TRIM44: variants seen among roughly 807,000 people sequenced by gnomAD.
The protein encoded by TRIM44 is tripartite motif-containing protein 44.
Under a neutral mutation model 37.4 loss-of-function variants are expected in TRIM44, and 13 were observed. That is an observed-to-expected ratio of 0.35 (90% CI 0.23 to 0.55). TRIM44 has a LOEUF of 0.55. Among genes scored for constraint, TRIM44 ranks in the 20% least tolerant of loss-of-function variants. The pLI is 0.89. For missense variants in TRIM44, 426 were observed against 437.2 expected, an observed-to-expected ratio of 0.97 and a Z score of 0.23; for synonymous variants, 175 against 157.2, an observed-to-expected ratio of 1.11 and a Z score of -0.85.
At chr11:35,686,134 CTT>C (rs1193060876) in intron 2 of TRIM44, among the ~76,000 whole-genome samples, 1 of 145,550 alleles carries the variant, frequency 6.9e-6, no homozygotes, top group African/African-American at 2.5e-5. Flanking sequence ...AGTGTCCCGG[CTT>C]TTTTTTTTTA....
At position 35,663,264 on chromosome 11, in the gene TRIM44, G is replaced by C. The variant is rs756216466; in HGVS notation, c.153G>C (p.Lys51Asn). The change falls in exon 1 of 5, where the codon AAG (lysine) becomes AAC (asparagine). Residue 51 changes from lysine to asparagine, a missense_variant. By Grantham distance (94) the Lys-to-Asn change is moderately conservative (BLOSUM62 0). Coordinates refer to ENST00000299413, the MANE Select transcript of TRIM44 (RefSeq NM_017583.6). Reference protein sequence around the residue: ...CRRHAEAHRQKFLSHHLAEYV... With the variant: ...CRRHAEAHRQNFLSHHLAEYV... The stretch of plus-strand genomic sequence containing the variant: ...GCCATGCCGAGGCGCACAGGCAGAA[G>C]TTCCTCAGTCACCATCTGGCCGAAT... 1 of 1,612,462 alleles carries C rather than the reference G, an allele frequency of 6.2e-7. No individual in the cohort carries two copies. Among genetic ancestry groups the C allele is most frequent in the South Asian group, 1.1e-5 (1 of 91,060 alleles).
intron 1 of TRIM44, among the ~76,000 whole-genome samples, chr11:35,665,652 T>G (rs668763): frequency 7.1e-6 from 1 of 140,988 alleles, no homozygotes; most frequent in Non-Finnish European, 1.5e-5. Flanking sequence ...TGGAGTACAG[T>G]GGCTAGATCT....
chr11:35,719,160 A>G (rs1311843707), intron 2 of TRIM44, among the ~76,000 whole-genome samples: 3 of 152,096 alleles, frequency 2.0e-5, no homozygotes, highest in Non-Finnish European at 1.5e-5. Context: ...GAACTGCCAA[A>G]CTGTCTTCCA....
intron 4 of TRIM44, among the ~76,000 whole-genome samples, chr11:35,766,382 A>G (rs941126855): frequency 3.3e-5 from 5 of 152,184 alleles, no homozygotes; most frequent in Admixed American, 3.3e-4. Context: ...CCCCAAGGCC[A>G]GGGTAGAGCA....
At chr11:35,793,691 A>G (rs1853246501) in intron 4 of TRIM44, among the ~76,000 whole-genome samples, 1 of 152,134 alleles carries the variant, frequency 6.6e-6, no homozygotes. Context: ...GGCATTACCA[A>G]TAACCCAGCT....
intron 4 of TRIM44, among the ~76,000 whole-genome samples, chr11:35,745,859 A>G (rs1219486057): frequency 6.6e-6 from 1 of 152,146 alleles, no homozygotes; most frequent in Non-Finnish European, 1.5e-5. Context: ...CCATGCAGAC[A>G]TGGGGAGAAA....
chr11:35,804,465 A>G (rs189148991), intron 4 of TRIM44, among the ~76,000 whole-genome samples: 12 of 152,362 alleles, frequency 7.9e-5, no homozygotes, highest in Admixed American at 7.2e-4. Flanking sequence ...CATTAGGTCC[A>G]TGAACGTTTA....
chr11:35,669,184 C>T (rs996721671), intron 1 of TRIM44, among the ~76,000 whole-genome samples: 11 of 152,100 alleles, frequency 7.2e-5, no homozygotes, highest in African/African-American at 2.2e-4. Context: ...AGAGAGGATT[C>T]GAGTTTGATT....
rs150664095 is a variant in TRIM44, at chr11:35,726,091, G to A, written c.915G>A (p.Arg305=). 192 of 1,614,082 alleles carry A rather than the reference G, an allele frequency of 1.2e-4. 1 individual carries two copies. In the African/African-American group the frequency reaches 2.3e-3, roughly 19 times the overall value. Residue 305 remains arginine, a synonymous_variant, in exon 3 of 5, where the codon AGG becomes AGA. Coordinates refer to ENST00000299413, the MANE Select transcript of TRIM44 (RefSeq NM_017583.6). ...ILADIQSHMD[R]LMTQMAQAKE... is the part of the protein sequence containing the mutation. ...CAGACATCCAATCCCACATGGATAG[G>A]TTGATGACTCAGATGGCCCAAGCCA... is the stretch of plus-strand genomic sequence containing the variant.
At chr11:35,779,302 G>A (rs1381311825) in intron 4 of TRIM44, among the ~76,000 whole-genome samples, 1 of 152,222 alleles carries the variant, frequency 6.6e-6, no homozygotes, top group Non-Finnish European at 1.5e-5. Flanking sequence ...GAAAAGCGCA[G>A]TATTAGGGTG....
intron 1 of TRIM44, among the ~76,000 whole-genome samples, chr11:35,680,974 T>C (rs1182740991): frequency 6.6e-6 from 1 of 152,210 alleles, no homozygotes; most frequent in Non-Finnish European, 1.5e-5. Context: ...CTTTTCTTAC[T>C]GATGTATAGA....
rs571456199 is a variant in TRIM44 at position 35,720,828 on chromosome 11, T to G, written c.748-5096T>G. Reference sequence around the variant, plus strand: ...TCTTTAGCCTGTTGATGTAGATAAATTATATTAGCTGATTTTTCAAATGTT... The same window carrying G: ...TCTTTAGCCTGTTGATGTAGATAAAGTATATTAGCTGATTTTTCAAATGTT... On this transcript the variant is annotated intron_variant, in intron 2 of 4. Transcript: ENST00000299413. 3.7e-4 allele frequency among the ~76,000 whole-genome samples: 57 copies of G among 152,102 alleles called. 1 individual carries two copies. The highest frequency in any genetic ancestry group is 9.8e-4 in the Admixed American group (15 of 15,256).
At chr11:35,708,493 CAAAGACTTGGAA>C (rs1851918882) in intron 2 of TRIM44, among the ~76,000 whole-genome samples, 1 of 151,814 alleles carries the variant, frequency 6.6e-6, no homozygotes, top group South Asian at 2.1e-4. Flanking sequence ...TTCACAATAG[CAAAGACTTGGAA>C]CCAACCCAAA....
At chr11:35,788,224 C>T (rs1177050676) in intron 4 of TRIM44, among the ~76,000 whole-genome samples, 2 of 152,112 alleles carry the variant, frequency 1.3e-5, no homozygotes, top group Non-Finnish European at 2.9e-5. Context: ...ACTTAGGCTG[C>T]TTATGATTTG....
At chr11:35,805,209 A>G (rs560657912) in intron 4 of TRIM44, among the ~76,000 whole-genome samples, 2 of 152,164 alleles carry the variant, frequency 1.3e-5, no homozygotes, top group Non-Finnish European at 2.9e-5. Flanking sequence ...CCCCTACATA[A>G]TAGGAAGAAT....
intron 4 of TRIM44, among the ~76,000 whole-genome samples, chr11:35,790,004 C>T (rs1853184724): frequency 6.6e-6 from 1 of 152,016 alleles, no homozygotes; most frequent in African/African-American, 2.4e-5. Flanking sequence ...ATTTGGGTGC[C>T]ACAGAAGAGC....
At chr11:35,672,868 A>C (rs560033367) in intron 1 of TRIM44, among the ~76,000 whole-genome samples, 22 of 152,338 alleles carry the variant, frequency 1.4e-4, no homozygotes, top group African/African-American at 5.1e-4. Flanking sequence ...TAGCACTGGC[A>C]TACATAGTGG....
chr11:35,790,002 G>A (rs1426262719), intron 4 of TRIM44, among the ~76,000 whole-genome samples: 1 of 152,140 alleles, frequency 6.6e-6, no homozygotes, highest in African/African-American at 2.4e-5. Context: ...TCATTTGGGT[G>A]CCACAGAAGA....
intron 4 of TRIM44, among the ~76,000 whole-genome samples, chr11:35,748,257 CTTG>C (rs1484101304): frequency 1.3e-5 from 2 of 152,164 alleles, no homozygotes; most frequent in African/African-American, 2.4e-5. Flanking sequence ...ATAAAGCATA[CTTG>C]TTGTGGGTGT....
Sources: gnomAD v4.1 joint callset for allele counts (sites outside exome capture counted in the v4.1 genomes callset) on GRCh38, gnomAD v4.1.1 for gene constraint, MANE v1.5 for transcripts, NCBI Gene and HGNC (gene_info 2026-07-23, HGNC 2026-07-21) for gene names.